The following WNT2 variants were observed in gnomAD, a reference collection of about 807,000 sequenced individuals.
The protein encoded by WNT2 is Wnt family member 2.
Under a neutral mutation model 36.9 loss-of-function variants are expected in WNT2, and 12 were observed. The ratio of observed to expected loss-of-function variants is 0.33; its 90% CI spans 0.21 to 0.53. The LOEUF is 0.53. Among genes scored for constraint, WNT2 ranks in the 20% least tolerant of loss-of-function variants. The probability of loss-of-function intolerance (pLI) is 0.95; values close to 1 mark genes in which losing one functional copy is unlikely to be tolerated. For synonymous variants in WNT2, 163 were observed against 174.6 expected (o/e 0.93, Z 0.52); for missense variants, 379 against 473.1 (o/e 0.80, Z 1.84).
chr7:117,281,702 G>A (rs755241942), intron 4 of WNT2, among the ~76,000 whole-genome samples: 10 of 152,072 alleles, frequency 6.6e-5, no homozygotes, highest in South Asian at 4.1e-4. Context: ...GAGATATTGC[G>A]TGAAGAAACA....
intron 4 of WNT2, among the ~76,000 whole-genome samples, chr7:117,289,667 T>A (rs1794649877): frequency 6.6e-6 from 1 of 152,204 alleles, no homozygotes; most frequent in South Asian, 2.1e-4. Flanking sequence ...TCAACACATG[T>A]TTGTGTACTA....
rs778965538 is a variant in WNT2, at chr7:117,279,831, C to T, written c.854-1447G>A. Among the ~76,000 whole-genome samples, 7 of 152,072 alleles carry T rather than the reference C, an allele frequency of 4.6e-5. No homozygotes were observed. The East Asian group carries it at 7.7e-4, about 17-fold the overall frequency. On this transcript the variant is annotated intron_variant, in intron 4 of 4. Coordinates refer to ENST00000265441, the MANE Select transcript of WNT2 (RefSeq NM_003391.3). ...CTCTTATTTAAAAAACAAAACAAAA[C>T]GACTTATATCAGGATGAAAAAGACA...
intron 4 of WNT2, among the ~76,000 whole-genome samples, chr7:117,290,639 G>A (rs541988471): frequency 1.1e-4 from 17 of 152,310 alleles, no homozygotes; most frequent in African/African-American, 4.1e-4. Context: ...ACATATATAA[G>A]ATAAGACCTT....
At position 117,315,273 on chromosome 7, in the gene WNT2, TG is replaced by T; in HGVS notation, c.385del (p.Gln129LysfsTer4). The T allele has an allele frequency of 6.2e-7, 1 of 1,614,218 alleles. No individual in the cohort carries two copies. Among genetic ancestry groups the T allele is most frequent in the East Asian group, 2.2e-5 (1 of 44,882 alleles). Reference protein sequence around the residue: ...VVFAITRACSQGEVKSCSCDP... With the variant: ...VVFAITRACSXGEVKSCSCDP... ...ACAGGAACAGGATTTTACTTCTCCT[TG>T]GCTACAGGCCCTGGTGATGGCAAAT... On this transcript the variant is annotated frameshift_variant, in exon 3 of 5. Transcript: ENST00000265441. LOFTEE classifies it high-confidence loss of function.
rs1795356592 is a variant in WNT2, at chr7:117,322,896, C to T, written c.83+11G>A. ...CTCCAAAATCCCCCGCGCCCGTGCG[C>T]GTGGACTTACCACCATGAAGAGTTG... On this transcript the variant is annotated intron_variant, in intron 1 of 4. Transcript: ENST00000265441. The surrounding 1 kb of genome is among the most constrained non-coding windows in gnomAD (Gnocchi z 5.4). The T allele has an allele frequency of 3.1e-6, 5 of 1,613,466 alleles. No individual in the cohort carries two copies. The highest frequency in any genetic ancestry group is 4.2e-6 in the Non-Finnish European group (5 of 1,179,874).
chr7:117,306,391 C>A (rs1795015373), intron 3 of WNT2, among the ~76,000 whole-genome samples: 1 of 152,192 alleles, frequency 6.6e-6, no homozygotes, highest in African/African-American at 2.4e-5. Flanking sequence ...ATACTATGTG[C>A]AAGCACTGTT....
intron 3 of WNT2, 102 bp from the exon 4 acceptor site, chr7:117,297,978 T>A: frequency 1.4e-6 from 2 of 1,435,054 alleles, no homozygotes; most frequent in Non-Finnish European, 1.9e-6. Flanking sequence ...CTCAGGATGC[T>A]GGATCCTGGG....
At chr7:117,312,732 T>C (rs1028357005) in intron 3 of WNT2, among the ~76,000 whole-genome samples, 3 of 152,164 alleles carry the variant, frequency 2.0e-5, no homozygotes, top group East Asian at 1.9e-4. Context: ...GAAACTATGA[T>C]TAAATGATAT....
intron 3 of WNT2, among the ~76,000 whole-genome samples, chr7:117,306,908 A>T (rs1795024391): frequency 6.6e-6 from 1 of 152,206 alleles, no homozygotes; most frequent in Admixed American, 6.5e-5. Context: ...TCTCAACAAA[A>T]GCTCTTCAAT....
chr7:117,308,714 TAGG>T (rs1795063639), intron 3 of WNT2, among the ~76,000 whole-genome samples: 2 of 152,194 alleles, frequency 1.3e-5, no homozygotes, highest in South Asian at 4.1e-4. Context: ...TCAGGATGAA[TAGG>T]AGGTGAAAGC....
At chr7:117,309,169 G>A (rs889792612) in intron 3 of WNT2, among the ~76,000 whole-genome samples, 2 of 151,004 alleles carry the variant, frequency 1.3e-5, no homozygotes, top group African/African-American at 4.9e-5. Flanking sequence ...GGGTGACAGG[G>A]TGAGACCCTG....
intron 3 of WNT2, among the ~76,000 whole-genome samples, chr7:117,301,784 A>G (rs1282052863): frequency 6.1e-5 from 9 of 147,956 alleles, no homozygotes; most frequent in Non-Finnish European, 3.0e-5. Context: ...TGAATTATGC[A>G]TTCTGTTTCC....
chr7:117,316,296 C>T (rs769847828), intron 2 of WNT2, among the ~76,000 whole-genome samples: 6 of 152,170 alleles, frequency 3.9e-5, no homozygotes, highest in Admixed American at 6.5e-5. Context: ...ACTCATAACA[C>T]GGTGTTGTGG....
At chr7:117,316,257 A>G (rs1795215432) in intron 2 of WNT2, among the ~76,000 whole-genome samples, 1 of 152,206 alleles carries the variant, frequency 6.6e-6, no homozygotes, top group African/African-American at 2.4e-5. Flanking sequence ...TGCAATAACT[A>G]CATTAAATTA....
At chr7:117,297,916 C>T (rs564469626) in intron 3 of WNT2, 40 bp from the exon 4 acceptor site, 5 of 1,572,398 alleles carry the variant, frequency 3.2e-6, no homozygotes, top group African/African-American at 1.3e-5. Context: ...GAGGTTCGAG[C>T]AGGTGACACA....
At chr7:117,304,229 T>A (rs2285544) in intron 3 of WNT2, among the ~76,000 whole-genome samples, 59,223 of 152,016 alleles carry the variant, frequency 0.39, 11,724 homozygotes, top group East Asian at 0.56. Flanking sequence ...TGGCTTCTAA[T>A]GTTGCAGATG....
chr7:117,320,545 T>C (rs1240916366), intron 2 of WNT2, 22 bp downstream of exon 2: 2 of 1,604,294 alleles, frequency 1.2e-6, no homozygotes, highest in Non-Finnish European at 1.7e-6. Context: ...GCCATAGGGC[T>C]GGGTGAAGGC....
chr7:117,309,766 T>C (rs2116377813), intron 3 of WNT2, among the ~76,000 whole-genome samples: 1 of 152,286 alleles, frequency 6.6e-6, no homozygotes, highest in East Asian at 1.9e-4. Context: ...GAGCTCCCAA[T>C]GAGTAGAGTA....
At chr7:117,288,203 A>G (rs1794621264) in intron 4 of WNT2, among the ~76,000 whole-genome samples, 1 of 152,168 alleles carries the variant, frequency 6.6e-6, no homozygotes, top group African/African-American at 2.4e-5. Context: ...CAACTTAAGA[A>G]AGTTTGTGGT....
Sources: allele counts gnomAD v4.1 joint callset (sites outside exome capture counted in the v4.1 genomes callset), GRCh38; gene constraint gnomAD v4.1.1; non-coding constraint Gnocchi (gnomAD v3.1); transcripts MANE v1.5; gene names NCBI Gene and HGNC (gene_info 2026-07-23, HGNC 2026-07-21).